The following KIF5C variants were observed in gnomAD, a reference collection of about 807,000 sequenced individuals.
KIF5C encodes the protein kinesin family member 5C.
A neutral mutation model predicts 125.2 loss-of-function variants in KIF5C; 18 were observed. That is an observed-to-expected ratio of 0.14 (90% CI 0.10 to 0.21). KIF5C has a LOEUF of 0.21. Among genes scored for constraint, KIF5C ranks in the 10% least tolerant of loss-of-function variants. KIF5C has a pLI of 1.00. For synonymous variants in KIF5C, 405 were observed against 434.0 expected (o/e 0.93, Z 0.83); for missense variants, 780 against 1,183.8 (o/e 0.66, Z 5.01).
intron 15 of KIF5C, among the ~76,000 whole-genome samples, chr2:148,989,585 T>A (rs1389322266): frequency 5.3e-5 from 8 of 152,264 alleles, no homozygotes; most frequent in Admixed American, 5.2e-4. Context: ...GTGGTTGTAC[T>A]AGTTTACGTT....
intron 1 of KIF5C, among the ~76,000 whole-genome samples, chr2:148,880,075 G>A (rs1015872881): frequency 4.6e-5 from 7 of 152,020 alleles, no homozygotes; most frequent in African/African-American, 1.7e-4. Context: ...GTCTTCCAAA[G>A]CAATAACATT....
rs1681975118 is a variant in KIF5C, at chr2:149,005,320, A to G, written c.2374-73A>G. 21 of 1,566,634 alleles carry G rather than the reference A, an allele frequency of 1.3e-5. No homozygotes were observed. The South Asian group carries it at 2.0e-4, about 15-fold the overall frequency. ...GGCAGGCTTGGGAAGTGTCGGGGGA[A>G]TGATCTGGTGCCAAATGTGTCATAA... On this transcript the variant is annotated intron_variant, in intron 21 of 25. Transcript: ENST00000435030.
intron 1 of KIF5C, among the ~76,000 whole-genome samples, chr2:148,921,159 C>T (rs766939831): frequency 9.2e-5 from 14 of 152,196 alleles, no homozygotes; most frequent in Non-Finnish European, 8.8e-5. Flanking sequence ...ATTAAGCATA[C>T]AGTGATTGGG....
rs144647139 is a variant in KIF5C, at chr2:148,949,800, C to T, written c.715-39C>T. The T allele has an allele frequency of 5.6e-3, 9,016 of 1,598,036 alleles. 28 individuals carry two copies. The highest frequency in any genetic ancestry group is 7.1e-3 in the Non-Finnish European group (8,273 of 1,171,454). ...TGAAATTTCTACTTTGTGCTTCTGC[C>T]GTCCTGTGCTGCTCACTGCTTTCTT... is the stretch of plus-strand genomic sequence containing the variant. On this transcript the variant is annotated intron_variant, in intron 8 of 25. Transcript: ENST00000435030.
At position 148,994,788 on chromosome 2, in the gene KIF5C, C is replaced by T. The variant is rs1032085709; in HGVS notation, c.2023+250C>T. On this transcript the variant is annotated intron_variant, in intron 17 of 25. Transcript: ENST00000435030. ...CATAATCTCAGTTCACTGCAACCTC[C>T]GCTTCCCGGTTCCAGCGATTCTCCT... Among the ~76,000 whole-genome samples the T allele has an allele frequency of 1.3e-4, 19 of 151,964 alleles. No individual in the cohort carries two copies. In the East Asian group the frequency reaches 2.5e-3, roughly 20 times the overall value.
At chr2:148,920,556 A>T (rs1681745188) in intron 1 of KIF5C, among the ~76,000 whole-genome samples, 1 of 152,220 alleles carries the variant, frequency 6.6e-6, no homozygotes. Context: ...GCTGCTTTGC[A>T]TCAAAACAAA....
At chr2:148,909,163 C>T (rs1432830478) in intron 1 of KIF5C, among the ~76,000 whole-genome samples, 1 of 152,236 alleles carries the variant, frequency 6.6e-6, no homozygotes, top group African/African-American at 2.4e-5. Context: ...TGGGCTCTGC[C>T]TGGCTCTTCC....
At chr2:148,921,231 G>A (rs755778076) in intron 1 of KIF5C, among the ~76,000 whole-genome samples, 1 of 152,098 alleles carries the variant, frequency 6.6e-6, no homozygotes, top group African/African-American at 2.4e-5. Context: ...TTATTTCCTT[G>A]AAACACACAC....
chr2:149,006,364 G>C (rs1682007737), intron 22 of KIF5C, among the ~76,000 whole-genome samples: 1 of 152,184 alleles, frequency 6.6e-6, no homozygotes, highest in African/African-American at 2.4e-5. Flanking sequence ...CAAATTCCTA[G>C]AAGGGAGGAG....
chr2:148,979,746 C>T (rs959246998), intron 13 of KIF5C, among the ~76,000 whole-genome samples: 2 of 152,174 alleles, frequency 1.3e-5, no homozygotes, highest in African/African-American at 4.8e-5. Flanking sequence ...GAGGGGAAGG[C>T]AAAGAGAACG....
At chr2:148,969,060 A>G (rs1189405549) in intron 11 of KIF5C, among the ~76,000 whole-genome samples, 5 of 152,224 alleles carry the variant, frequency 3.3e-5, no homozygotes, top group African/African-American at 4.8e-5. Flanking sequence ...AACTTATGAA[A>G]AGGATAACTA....
intron 6 of KIF5C, 109 bp downstream of exon 6, chr2:148,942,099 T>G: frequency 2.5e-6 from 3 of 1,213,560 alleles, no homozygotes; most frequent in Non-Finnish European, 3.4e-6. Flanking sequence ...ATATAGGCAT[T>G]TATTCAGGCT....
chr2:148,888,825 T>G (rs1409274142), intron 1 of KIF5C: 1 of 152,092 alleles, frequency 6.6e-6, no homozygotes, highest in Non-Finnish European at 1.5e-5. Context: ...AGATATACAG[T>G]TCTGCCTTTT....
At chr2:149,010,031 A>G in intron 23 of KIF5C, 104 bp from the exon 24 acceptor site, 1 of 1,452,032 alleles carries the variant, frequency 6.9e-7, no homozygotes, top group Non-Finnish European at 9.1e-7. Flanking sequence ...AGGACAACCT[A>G]GCAGGGGCCA....
At chr2:148,886,581 C>A (rs564221811) in intron 1 of KIF5C, among the ~76,000 whole-genome samples, 1 of 138,638 alleles carries the variant, frequency 7.2e-6, no homozygotes, top group East Asian at 2.2e-4. Flanking sequence ...CAGACTTGCC[C>A]ACCCAGCATG....
intron 25 of KIF5C, among the ~76,000 whole-genome samples, chr2:149,018,765 T>C (rs1479588598): frequency 6.6e-6 from 1 of 152,114 alleles, no homozygotes; most frequent in African/African-American, 2.4e-5. Context: ...GCCCAGTAAT[T>C]TGAGGCTGTG....
chr2:148,923,090 C>T (rs996925230), intron 2 of KIF5C, among the ~76,000 whole-genome samples: 3 of 152,210 alleles, frequency 2.0e-5, no homozygotes, highest in Non-Finnish European at 4.4e-5. Flanking sequence ...AATGCTGTGG[C>T]AATTGTGCTT....
chr2:148,962,557 A>T (rs961523129), intron 11 of KIF5C, among the ~76,000 whole-genome samples: 1 of 152,038 alleles, frequency 6.6e-6, no homozygotes, highest in Non-Finnish European at 1.5e-5. Flanking sequence ...GTGCAGCTTG[A>T]TTCCTCCTGG....
At position 149,026,148 on chromosome 2, in the gene KIF5C, T is replaced by A. The variant is rs950195486; in HGVS notation, c.*3078T>A. On this transcript the variant is annotated 3_prime_UTR_variant, in exon 26 of 26. Coordinates refer to ENST00000435030, the MANE Select transcript of KIF5C (RefSeq NM_004522.3). ...AAAGCAGGGCAGGAGACATTTGGACTCTAGCTATATGACATACTGGGAAAG... is the reference window on the plus strand; with the variant it reads ...AAAGCAGGGCAGGAGACATTTGGACACTAGCTATATGACATACTGGGAAAG... The A allele has an allele frequency of 6.6e-6, 1 of 152,564 alleles. No homozygotes were observed. Among genetic ancestry groups the A allele is most frequent in the African/African-American group, 2.4e-5 (1 of 41,442 alleles). The allele number at this position is 152,564 out of a possible 1,614,324, so 9.5% of individuals were successfully genotyped here.
Sources: allele counts gnomAD v4.1 joint callset (sites outside exome capture counted in the v4.1 genomes callset), GRCh38; gene constraint gnomAD v4.1.1; transcripts MANE v1.5; gene names NCBI Gene and HGNC (gene_info 2026-07-23, HGNC 2026-07-21).